GREB1L: variants seen among roughly 807,000 people sequenced by gnomAD.
GREB1L encodes the protein GREB1 like retinoic acid receptor coactivator, also known as GREB1-like protein.
GREB1L carries 17 observed loss-of-function variants against 200.8 expected under a neutral mutation model. The observed-to-expected ratio is 0.08, with a 90% CI of 0.06 to 0.13. The LOEUF (loss-of-function observed/expected upper bound fraction) is 0.13. Among genes scored for constraint, GREB1L ranks in the 10% least tolerant of loss-of-function variants. GREB1L has a pLI of 1.00. For missense variants in GREB1L, 1,657 were observed against 2,367.7 expected (o/e 0.70, Z 6.23); for synonymous variants, 789 against 893.0 (o/e 0.88, Z 2.08).
At chr18:21,485,822 C>T in intron 18 of GREB1L, 69 bp downstream of exon 18, 8 of 1,480,232 alleles carry the variant, frequency 5.4e-6, no homozygotes, top group South Asian at 1.3e-5. Flanking sequence ...AGCCAAAAGC[C>T]TTTTGTGTCA....
intron 27 of GREB1L, among the ~76,000 whole-genome samples, chr18:21,512,893 T>G (rs952082451): frequency 4.6e-5 from 7 of 152,358 alleles, no homozygotes; most frequent in Middle Eastern, 3.4e-3. Context: ...ACCCTTGATC[T>G]GTTCACACTG....
chr18:21,288,132 A>G (rs2038388139), intron 1 of GREB1L, among the ~76,000 whole-genome samples: 1 of 152,160 alleles, frequency 6.6e-6, no homozygotes, highest in African/African-American at 2.4e-5. Flanking sequence ...ATTAAAAGTC[A>G]GTATAATATT....
chr18:21,516,566 T>C (rs758936349), intron 29 of GREB1L, 47 bp from the exon 30 acceptor site: 32 of 1,523,356 alleles, frequency 2.1e-5, no homozygotes, highest in Non-Finnish European at 2.9e-5. Context: ...GTTATCATGG[T>C]TGAGATATGC....
At position 21,465,251 on chromosome 18, in the gene GREB1L, C is replaced by T. The variant is rs1299712874; in HGVS notation, c.2183-7780C>T. 5.3e-5 allele frequency among the ~76,000 whole-genome samples: 8 copies of T among 152,124 alleles called. No individual in the cohort carries two copies. The East Asian group carries it at 1.5e-3, about 29-fold the overall frequency. ...TGTCCTTTAATAAACCTAATCTCCC[C>T]AGCCCCAAAACCCATGCTTAATTCT... On this transcript the variant is annotated intron_variant, in intron 15 of 32. Coordinates refer to ENST00000424526, the MANE Select transcript of GREB1L (RefSeq NM_001142966.3).
rs1426583915 is a variant in GREB1L, at chr18:21,438,975, A to AAAAAAG, written c.833-542_833-541insAGAAAA. On this transcript the variant is annotated intron_variant, in intron 7 of 32. Transcript: ENST00000424526. ...GACTCTGTCTCAAAAAAAAAAAAAAAAAAAGAAAAGAAAAGAAAAGAAAGA... is the reference window on the plus strand; with the variant it reads ...GACTCTGTCTCAAAAAAAAAAAAAAAAAAAAGAAAAGAAAAGAAAAGAAAAGAAAGA... Among the ~76,000 whole-genome samples, 210 of 145,034 alleles carry AAAAAAG rather than the reference A, an allele frequency of 1.4e-3. 1 individual carries two copies. The highest frequency in any genetic ancestry group is 1.8e-3 in the Non-Finnish European group (121 of 66,378).
chr18:21,374,906 G>A (rs2040011909), intron 2 of GREB1L, among the ~76,000 whole-genome samples: 1 of 144,614 alleles, frequency 6.9e-6, no homozygotes, highest in South Asian at 2.2e-4. Flanking sequence ...AGGCTGGAGT[G>A]CAGTGGCATG....
chr18:21,369,559 AG>A (rs2039795578), intron 2 of GREB1L, among the ~76,000 whole-genome samples: 1 of 152,200 alleles, frequency 6.6e-6, no homozygotes, highest in African/African-American at 2.4e-5. Flanking sequence ...TAGTCATGAT[AG>A]TTTTTAGTCA....
intron 1 of GREB1L, among the ~76,000 whole-genome samples, chr18:21,275,255 A>C (rs1337985654): frequency 6.6e-6 from 1 of 151,750 alleles, no homozygotes; most frequent in East Asian, 2.0e-4. Context: ...AATAAATAAA[A>C]ATGTTGGTTA....
rs1434188702 is a variant in GREB1L, at chr18:21,451,422, G to A, written c.1849+271G>A. ...CGAGTTTCTCTCTCCCTGGAACTCG[G>A]TTTGTTCGTTCGTTCCTTCCTTCCT... On this transcript the variant is annotated intron_variant, in intron 13 of 32. Coordinates refer to ENST00000424526, the MANE Select transcript of GREB1L (RefSeq NM_001142966.3). 3.9e-5 allele frequency: 10 copies of A among 256,180 alleles called. No homozygotes were observed. In the South Asian group the frequency reaches 9.3e-4, roughly 24 times the overall value. 15.9% of individuals were successfully genotyped at this position (256,180 alleles called of 1,614,324 possible).
Position 21,508,607 on chromosome 18 carries a change from G to A in GREB1L, c.4735+16G>A. The A allele has an allele frequency of 3.9e-6, 6 of 1,549,240 alleles. No individual in the cohort carries two copies. The highest frequency in any genetic ancestry group is 5.2e-6 in the Non-Finnish European group (6 of 1,145,316). ...GCAGGCGTGGGTAAGGGGCCCCCCT[G>A]GGATGGGGAGAAGGGCTTCGAAGAT... On this transcript the variant is annotated intron_variant, in intron 27 of 32. Transcript: ENST00000424526.
intron 1 of GREB1L, among the ~76,000 whole-genome samples, chr18:21,346,962 C>T (rs2039355334): frequency 6.6e-6 from 1 of 152,210 alleles, no homozygotes; most frequent in African/African-American, 2.4e-5. Context: ...CAATTACCAA[C>T]CTATTTCCAC....
At chr18:21,419,160 G>A (rs2031924079) in intron 7 of GREB1L, among the ~76,000 whole-genome samples, 1 of 152,078 alleles carries the variant, frequency 6.6e-6, no homozygotes, top group African/African-American at 2.4e-5. Context: ...GTGTATAGTG[G>A]GCTATACTGT....
chr18:21,439,277 A>G (rs542151652), intron 7 of GREB1L, among the ~76,000 whole-genome samples: 7 of 152,166 alleles, frequency 4.6e-5, no homozygotes, highest in Non-Finnish European at 1.0e-4. Flanking sequence ...ATCTCCAAAG[A>G]CTTCACTGAA....
At chr18:21,285,367 C>A (rs2038338656) in intron 1 of GREB1L, among the ~76,000 whole-genome samples, 1 of 152,116 alleles carries the variant, frequency 6.6e-6, no homozygotes, top group African/African-American at 2.4e-5. Context: ...GGAAAATATC[C>A]TTTTTGCCAC....
At chr18:21,377,777 G>A (rs957560359) in intron 2 of GREB1L, among the ~76,000 whole-genome samples, 2 of 152,048 alleles carry the variant, frequency 1.3e-5, no homozygotes, top group Non-Finnish European at 2.9e-5. Flanking sequence ...AGGTGTGGTG[G>A]GGGGCACCTG....
intron 7 of GREB1L, among the ~76,000 whole-genome samples, chr18:21,426,247 G>C (rs542150819): frequency 6.6e-6 from 1 of 151,830 alleles, no homozygotes; most frequent in East Asian, 1.9e-4. Flanking sequence ...TGGTACAGAC[G>C]GGGGTTTCAC....
chr18:21,500,777 A>C, intron 23 of GREB1L, 135 bp downstream of exon 23: 1 of 650,868 alleles, frequency 1.5e-6, no homozygotes, highest in Non-Finnish European at 2.5e-6. Flanking sequence ...GCTAAAGATA[A>C]TGTGCCCAAG....
In GREB1L at chr18:21,496,764, A is replaced by G. The variant is rs549709517; in HGVS notation, c.3391+66A>G. 2.0e-6 allele frequency: 3 copies of G among 1,510,286 alleles called. No homozygotes were observed. In the Admixed American group the frequency reaches 6.1e-5, roughly 31 times the overall value. The allele number at this position is 1,510,286 out of a possible 1,614,324, so 93.6% of individuals were successfully genotyped here. A position where few individuals can be genotyped will look rare whatever the true frequency, so the allele number is the denominator to read the frequency against. ...AGTCAGGAGGTGTGTAGGAATTTGGAAGGCAGAGGCATTTACTGACACCCC... is the reference window on the plus strand; with the variant it reads ...AGTCAGGAGGTGTGTAGGAATTTGGGAGGCAGAGGCATTTACTGACACCCC... On this transcript the variant is annotated intron_variant, in intron 21 of 32. Coordinates refer to ENST00000424526, the MANE Select transcript of GREB1L (RefSeq NM_001142966.3).
intron 1 of GREB1L, among the ~76,000 whole-genome samples, chr18:21,331,273 C>T (rs1292480753): frequency 6.6e-6 from 1 of 152,162 alleles, no homozygotes; most frequent in African/African-American, 2.4e-5. Context: ...GCTGTCTCCT[C>T]TGATGGACAA....
Sources: gnomAD v4.1 joint callset for allele counts (sites outside exome capture counted in the v4.1 genomes callset) on GRCh38, gnomAD v4.1.1 for gene constraint, MANE v1.5 for transcripts, NCBI Gene and HGNC (gene_info 2026-07-23, HGNC 2026-07-21) for gene names.